Variants in METTL16 observed in about 807,000 individuals in gnomAD.
METTL16 encodes the protein methyltransferase 16, RNA N6-adenosine.
Under a neutral mutation model 57.9 loss-of-function variants are expected in METTL16, and 19 were observed. That is an observed-to-expected ratio of 0.33 (90% CI 0.23 to 0.48). The LOEUF (loss-of-function observed/expected upper bound fraction) is 0.48. METTL16 is among the 20% of genes least tolerant of loss of function. The probability of loss-of-function intolerance (pLI) is 0.99; values close to 1 mark genes in which losing one functional copy is unlikely to be tolerated. For missense variants in METTL16, 434 were observed against 691.5 expected, an observed-to-expected ratio of 0.63 and a Z score of 4.18; for synonymous variants, 246 against 255.6, an observed-to-expected ratio of 0.96 and a Z score of 0.36.
At chr17:2,471,580 G>A (rs1337086601) in intron 4 of METTL16, among the ~76,000 whole-genome samples, 1 of 152,074 alleles carries the variant, frequency 6.6e-6, no homozygotes, top group Non-Finnish European at 1.5e-5. Context: ...ACGAGGTCAG[G>A]AGATCGAGAC....
chr17:2,511,725 T>G (rs1263578266), intron 1 of METTL16, 34 bp downstream of exon 1: 4 of 397,528 alleles, frequency 1.0e-5, no homozygotes, highest in Non-Finnish European at 1.8e-5. Flanking sequence ...TGACCCATGA[T>G]AGTAAATCTG....
chr17:2,507,685 A>G (rs1292581191), intron 1 of METTL16, among the ~76,000 whole-genome samples: 2 of 152,194 alleles, frequency 1.3e-5, no homozygotes, highest in South Asian at 2.1e-4. Flanking sequence ...GGAATAGAAA[A>G]GGGGGAAAGG....
chr17:2,488,450 G>A (rs1270534369), intron 2 of METTL16, among the ~76,000 whole-genome samples: 7 of 151,714 alleles, frequency 4.6e-5, no homozygotes, highest in Non-Finnish European at 5.9e-5. Flanking sequence ...CCAGCTACTC[G>A]GGAGGCTGAG....
At chr17:2,421,091 C>T (rs904657538) in intron 8 of METTL16, among the ~76,000 whole-genome samples, 187 bp from the exon 9 acceptor site, 1 of 152,222 alleles carries the variant, frequency 6.6e-6, no homozygotes, top group East Asian at 1.9e-4. Flanking sequence ...CAGTCATTCA[C>T]GCCTATAATC....
intron 6 of METTL16, among the ~76,000 whole-genome samples, chr17:2,452,032 G>C (rs1332733321): frequency 6.6e-6 from 1 of 151,758 alleles, no homozygotes; most frequent in Non-Finnish European, 1.5e-5. Context: ...AGCTACTAGG[G>C]GGGCTGAGGT....
intron 6 of METTL16, among the ~76,000 whole-genome samples, chr17:2,443,090 G>A (rs1233588403): frequency 6.6e-6 from 1 of 152,132 alleles, no homozygotes. Flanking sequence ...CCGGGCTCAA[G>A]CGATTTTCCC....
At chr17:2,447,135 G>A (rs2067004063) in intron 6 of METTL16, among the ~76,000 whole-genome samples, 2 of 142,810 alleles carry the variant, frequency 1.4e-5, no homozygotes, top group Admixed American at 6.7e-5. Flanking sequence ...TAGGAAGCGA[G>A]GAGCGCCTCT....
chr17:2,502,395 G>A, intron 1 of METTL16, 64 bp from the exon 2 acceptor site: 21 of 1,528,876 alleles, frequency 1.4e-5, no homozygotes, highest in Non-Finnish European at 1.8e-5. Flanking sequence ...TGGGGGCCGG[G>A]TGCGGTGCCT....
At chr17:2,487,039 A>G (rs936977560) in intron 2 of METTL16, among the ~76,000 whole-genome samples, 2 of 149,288 alleles carry the variant, frequency 1.3e-5, no homozygotes, top group Non-Finnish European at 3.0e-5. Context: ...CTATATCTAG[A>G]TAAAGGTAGC....
Position 2,416,458 on chromosome 17 carries a change from T to C in METTL16, c.*3512A>G, listed in dbSNP as rs1191867936. 8 of 151,944 alleles carry C rather than the reference T, an allele frequency of 5.3e-5. No individual in the cohort carries two copies. Among genetic ancestry groups the C allele is most frequent in the Non-Finnish European group, 7.4e-5 (5 of 67,988 alleles). The allele number at this position is 151,944 out of a possible 1,614,324, so 9.4% of individuals were successfully genotyped here. A position where few individuals can be genotyped will look rare whatever the true frequency, so the allele number is the denominator to read the frequency against. Reference sequence around the variant, plus strand: ...AAGGCTTTATGTTTTATAAAAAATATATACTAAAGTAATCTACACGAAGCT... The same window carrying C: ...AAGGCTTTATGTTTTATAAAAAATACATACTAAAGTAATCTACACGAAGCT... On this transcript the variant is annotated 3_prime_UTR_variant, in exon 10 of 10. Coordinates refer to ENST00000263092, the MANE Select transcript of METTL16 (RefSeq NM_024086.4).
At chr17:2,438,422 T>C (rs1567885561) in intron 7 of METTL16, among the ~76,000 whole-genome samples, 4 of 152,246 alleles carry the variant, frequency 2.6e-5, no homozygotes. Flanking sequence ...TTTACAGATA[T>C]GACTTGAAGG....
chr17:2,481,550 A>G (rs1009643016), intron 2 of METTL16, among the ~76,000 whole-genome samples: 1 of 152,200 alleles, frequency 6.6e-6, no homozygotes, highest in Non-Finnish European at 1.5e-5. Flanking sequence ...TATACTAAAA[A>G]CCACCAAGTT....
At chr17:2,474,193 C>A (rs1036190818) in intron 3 of METTL16, among the ~76,000 whole-genome samples, 3 of 151,980 alleles carry the variant, frequency 2.0e-5, no homozygotes, top group African/African-American at 4.8e-5. Context: ...CATTTTAAAT[C>A]TCATACAAAA....
rs1231987177 is a variant in METTL16, at chr17:2,416,177, T to C, written c.*3793A>G. 1 of 152,170 alleles carries C rather than the reference T, an allele frequency of 6.6e-6. No individual in the cohort carries two copies. Among genetic ancestry groups the C allele is most frequent in the Non-Finnish European group, 1.5e-5 (1 of 68,028 alleles). 9.4% of individuals were successfully genotyped at this position (152,170 alleles called of 1,614,324 possible). The stretch of plus-strand genomic sequence containing the variant: ...ACACCGTGGACAGACTTGTCTCCAT[T>C]CCCACGGGGAAGTGAAGGCGCTTTG... On this transcript the variant is annotated 3_prime_UTR_variant, in exon 10 of 10. Coordinates refer to ENST00000263092, the MANE Select transcript of METTL16 (RefSeq NM_024086.4).
chr17:2,427,450 A>G (rs758465473), intron 8 of METTL16, among the ~76,000 whole-genome samples: 2 of 152,232 alleles, frequency 1.3e-5, no homozygotes, highest in Admixed American at 1.3e-4. Flanking sequence ...ATCCATCATG[A>G]GAGTCTCCAA....
At chr17:2,483,164 C>T (rs1329003736) in intron 2 of METTL16, among the ~76,000 whole-genome samples, 3 of 151,986 alleles carry the variant, frequency 2.0e-5, no homozygotes, top group Admixed American at 6.6e-5. Flanking sequence ...ACAAAAACTA[C>T]GGCTAAAACA....
At chr17:2,500,594 T>C (rs2067480525) in intron 2 of METTL16, among the ~76,000 whole-genome samples, 2 of 152,066 alleles carry the variant, frequency 1.3e-5, no homozygotes, top group Admixed American at 1.3e-4. Flanking sequence ...TATTATTCTT[T>C]CCCTTCCTTT....
chr17:2,498,823 T>G (rs1161350303), intron 2 of METTL16, among the ~76,000 whole-genome samples: 1 of 151,412 alleles, frequency 6.6e-6, no homozygotes, highest in Non-Finnish European at 1.5e-5. Flanking sequence ...AAGAAAAATT[T>G]CAAACTCCTC....
chr17:2,482,324 C>T (rs1172978240), intron 2 of METTL16, among the ~76,000 whole-genome samples: 2 of 152,168 alleles, frequency 1.3e-5, no homozygotes, highest in Admixed American at 1.3e-4. Flanking sequence ...ATTCATGTCG[C>T]AGTTTCCAAG....
Sources: allele counts gnomAD v4.1 joint callset (sites outside exome capture counted in the v4.1 genomes callset), GRCh38; gene constraint gnomAD v4.1.1; transcripts MANE v1.5; gene names NCBI Gene and HGNC (gene_info 2026-07-23, HGNC 2026-07-21).